Variants in GRIN2A observed in about 807,000 individuals in gnomAD.
GRIN2A encodes glutamate receptor ionotropic, NMDA 2A.
A neutral mutation model predicts 113.4 loss-of-function variants in GRIN2A; 22 were observed. That is an observed-to-expected ratio of 0.19 (90% confidence interval 0.14 to 0.28). The LOEUF is 0.28. GRIN2A is among the 10% of genes least tolerant of loss of function. The probability of loss-of-function intolerance (pLI) is 1.00; values close to 1 mark genes in which losing one functional copy is unlikely to be tolerated. For synonymous variants in GRIN2A, 827 were observed against 738.4 expected (o/e 1.12, Z -1.94); for missense variants, 1,502 against 1,887.0 (o/e 0.80, Z 3.78).
intron 7 of GRIN2A, among the ~76,000 whole-genome samples, chr16:9,837,877 A>G (rs1166818500): frequency 6.6e-6 from 1 of 152,218 alleles, no homozygotes; most frequent in Admixed American, 6.5e-5. Flanking sequence ...CATTACTCCA[A>G]CAAAGGTTAC....
intron 3 of GRIN2A, among the ~76,000 whole-genome samples, chr16:9,905,339 T>G (rs549359026): frequency 1.6e-4 from 25 of 152,322 alleles, no homozygotes; most frequent in African/African-American, 5.5e-4. Context: ...CATTTCTACT[T>G]GCTTTTTTCA....
At chr16:9,920,332 G>A (rs919543028) in intron 3 of GRIN2A, among the ~76,000 whole-genome samples, 13 of 152,236 alleles carry the variant, frequency 8.5e-5, no homozygotes, top group African/African-American at 2.9e-4. Flanking sequence ...TATTCTGTGT[G>A]TTTTGTTTTG....
chr16:10,065,353 T>C (rs973281875), intron 2 of GRIN2A, among the ~76,000 whole-genome samples: 1 of 152,208 alleles, frequency 6.6e-6, no homozygotes, highest in Non-Finnish European at 1.5e-5. Flanking sequence ...CTTGTGACAT[T>C]CTATTTCGGC....
At chr16:9,979,490 T>C (rs760241660) in intron 2 of GRIN2A, among the ~76,000 whole-genome samples, 3 of 152,188 alleles carry the variant, frequency 2.0e-5, no homozygotes, top group Non-Finnish European at 4.4e-5. Context: ...AGATTTCAGC[T>C]TAAACGTCTC....
chr16:9,869,748 C>T (rs1345415750), intron 4 of GRIN2A, among the ~76,000 whole-genome samples: 1 of 152,236 alleles, frequency 6.6e-6, no homozygotes. Context: ...ATTGAACTAT[C>T]TGCCACATAG....
chr16:9,788,897 C>T (rs910571010), intron 11 of GRIN2A, among the ~76,000 whole-genome samples: 2 of 152,006 alleles, frequency 1.3e-5, no homozygotes, highest in African/African-American at 4.8e-5. Context: ...CACCCACCAC[C>T]ACACCTGGCT....
intron 11 of GRIN2A, among the ~76,000 whole-genome samples, chr16:9,784,689 C>T (rs1902123955): frequency 6.6e-6 from 1 of 152,146 alleles, no homozygotes; most frequent in Non-Finnish European, 1.5e-5. Context: ...GCAATCTACT[C>T]ATCTGACAAA....
At chr16:9,800,626 G>C (rs767963983) in intron 10 of GRIN2A, among the ~76,000 whole-genome samples, 1 of 151,970 alleles carries the variant, frequency 6.6e-6, no homozygotes, top group Non-Finnish European at 1.5e-5. Context: ...GTTTGAGGTG[G>C]CGCAAAACTG....
chr16:9,992,284 T>C (rs1596397115), intron 2 of GRIN2A, among the ~76,000 whole-genome samples: 2 of 152,120 alleles, frequency 1.3e-5, no homozygotes, highest in Admixed American at 6.5e-5. Flanking sequence ...TAAGCTAGTT[T>C]ATAGAGGAAG....
chr16:9,932,192 G>C lies in GRIN2A; in HGVS notation c.1007+5767C>G, dbSNP rs770394371. Reference sequence around the variant, plus strand: ...CCAAACCTCAGAGCAAACAATAGATGAATGACAGCCCTGCCCCGCCTGATA... The same window carrying C: ...CCAAACCTCAGAGCAAACAATAGATCAATGACAGCCCTGCCCCGCCTGATA... On this transcript the variant is annotated intron_variant, in intron 3 of 12. Coordinates refer to ENST00000330684, the MANE Select transcript of GRIN2A (RefSeq NM_001134407.3). Among the ~76,000 whole-genome samples, 4 of 152,294 alleles carry C rather than the reference G, an allele frequency of 2.6e-5. No homozygotes were observed. The South Asian group carries it at 8.3e-4, about 32-fold the overall frequency.
chr16:10,004,137 T>A (rs1040474844), intron 2 of GRIN2A, among the ~76,000 whole-genome samples: 6 of 152,064 alleles, frequency 3.9e-5, no homozygotes, highest in Admixed American at 1.3e-4. Flanking sequence ...ACACCTGTAA[T>A]CCCAGCATTT....
chr16:9,861,167 C>G (rs930009993), intron 4 of GRIN2A, among the ~76,000 whole-genome samples: 15 of 152,142 alleles, frequency 9.9e-5, no homozygotes, highest in African/African-American at 3.6e-4. Context: ...GGCTTTAAAA[C>G]AAACACATTG....
intron 3 of GRIN2A, among the ~76,000 whole-genome samples, chr16:9,908,818 A>C (rs2044077369): frequency 6.6e-6 from 1 of 152,156 alleles, no homozygotes. Context: ...AGCAAACAGG[A>C]AGGGAGCAGT....
chr16:9,963,610 C>G (rs147185085), intron 2 of GRIN2A, among the ~76,000 whole-genome samples: 7 of 152,226 alleles, frequency 4.6e-5, no homozygotes, highest in African/African-American at 1.7e-4. Context: ...ATTCATTGAG[C>G]TTTACACTTA....
chr16:9,903,801 A>G (rs1035796583), intron 3 of GRIN2A, among the ~76,000 whole-genome samples: 1 of 152,324 alleles, frequency 6.6e-6, no homozygotes, highest in South Asian at 2.1e-4. Flanking sequence ...TTTTAAAAAG[A>G]CACCTCTTTC....
intron 7 of GRIN2A, among the ~76,000 whole-genome samples, chr16:9,839,553 G>C (rs923183330): frequency 2.8e-4 from 42 of 152,176 alleles, no homozygotes; most frequent in African/African-American, 9.2e-4. Context: ...CAGAATATTG[G>C]CATAAATCAT....
At chr16:9,776,179 T>C (rs940690261) in intron 11 of GRIN2A, among the ~76,000 whole-genome samples, 4 of 152,288 alleles carry the variant, frequency 2.6e-5, no homozygotes, top group African/African-American at 7.2e-5. Context: ...ATAGCTATCT[T>C]TGGTGTATAG....
At chr16:9,963,433 GC>G (rs910784397) in intron 2 of GRIN2A, among the ~76,000 whole-genome samples, 3 of 151,392 alleles carry the variant, frequency 2.0e-5, no homozygotes, top group Middle Eastern at 6.8e-3. Flanking sequence ...CCCTCCTCTT[GC>G]CCCCCACCCC....
chr16:10,111,704 A>G (rs1039686393), intron 2 of GRIN2A: 10 of 1,559,150 alleles, frequency 6.4e-6, no homozygotes, highest in African/African-American at 1.4e-5. Context: ...CATAAGGTCA[A>G]GAAGTTTGAA....
Sources: gnomAD v4.1 joint callset for allele counts (sites outside exome capture counted in the v4.1 genomes callset) on GRCh38, gnomAD v4.1.1 for gene constraint, MANE v1.5 for transcripts, NCBI Gene and HGNC (gene_info 2026-07-23, HGNC 2026-07-21) for gene names.